The following SIPA1L2 variants were observed in gnomAD, a reference collection of about 807,000 sequenced individuals.
SIPA1L2 encodes signal induced proliferation associated 1 like 2.
A neutral mutation model predicts 163.9 loss-of-function variants in SIPA1L2; 56 were observed. The ratio of observed to expected loss-of-function variants is 0.34; its 90% CI spans 0.28 to 0.43. The LOEUF (loss-of-function observed/expected upper bound fraction) is 0.43. Among genes scored for constraint, SIPA1L2 ranks in the 20% least tolerant of loss-of-function variants. SIPA1L2 has a pLI of 1.00. For synonymous variants in SIPA1L2, 877 were observed against 865.7 expected, an observed-to-expected ratio of 1.01 and a Z score of -0.23; for missense variants, 1,974 against 2,193.5, an observed-to-expected ratio of 0.90 and a Z score of 2.00.
chr1:232,599,739 GCTTCT>G (rs1661495982), intron 1 of SIPA1L2, among the ~76,000 whole-genome samples: 1 of 152,238 alleles, frequency 6.6e-6, no homozygotes, highest in African/African-American at 2.4e-5. Flanking sequence ...TATGCCCACA[GCTTCT>G]TAGCAAGACC....
intron 1 of SIPA1L2, among the ~76,000 whole-genome samples, chr1:232,588,537 G>A (rs1447029882): frequency 6.6e-6 from 1 of 152,148 alleles, no homozygotes; most frequent in Non-Finnish European, 1.5e-5. Context: ...CTAAAACAGA[G>A]TTTTTAAAGT....
intron 1 of SIPA1L2, among the ~76,000 whole-genome samples, chr1:232,629,410 G>A (rs1663249627): frequency 6.6e-6 from 1 of 152,226 alleles, no homozygotes; most frequent in Non-Finnish European, 1.5e-5. Context: ...TCCCGGTGAG[G>A]GCGCGCGCTC....
rs1244652481 is a variant in SIPA1L2 at position 232,629,899 on chromosome 1, C to G, written c.-349G>C. Among the ~76,000 whole-genome samples, 2 of 151,662 alleles carry G rather than the reference C, an allele frequency of 1.3e-5. No homozygotes were observed. The highest frequency in any genetic ancestry group is 2.9e-5 in the Non-Finnish European group (2 of 67,798). On this transcript the variant is annotated 5_prime_UTR_variant, in exon 1 of 23. Coordinates refer to ENST00000674635, the MANE Select transcript of SIPA1L2 (RefSeq NM_020808.5). Reference sequence around the variant, plus strand: ...CAACGCCGTCCGCCGGAACCTGCTACAGCCTGTGCGCGCCGGGCGGCGCGT... The same window carrying G: ...CAACGCCGTCCGCCGGAACCTGCTAGAGCCTGTGCGCGCCGGGCGGCGCGT...
chr1:232,502,780 A>G (rs1271134088), intron 3 of SIPA1L2, among the ~76,000 whole-genome samples: 1 of 152,240 alleles, frequency 6.6e-6, no homozygotes, highest in Non-Finnish European at 1.5e-5. Flanking sequence ...CAAAGAATAC[A>G]GTAGGTTACC....
At chr1:232,481,054 A>G (rs1052950850) in intron 6 of SIPA1L2, among the ~76,000 whole-genome samples, 1 of 152,230 alleles carries the variant, frequency 6.6e-6, no homozygotes, top group Non-Finnish European at 1.5e-5. Flanking sequence ...TATAGTTACC[A>G]ATAAATTAAT....
At chr1:232,407,628 C>T (rs1219880746) in intron 19 of SIPA1L2, among the ~76,000 whole-genome samples, 2 of 152,154 alleles carry the variant, frequency 1.3e-5, no homozygotes, top group East Asian at 3.9e-4. Context: ...CACAGGAGCA[C>T]ACACACGTCC....
chr1:232,593,033 C>T (rs555774996), intron 1 of SIPA1L2, among the ~76,000 whole-genome samples: 1 of 152,278 alleles, frequency 6.6e-6, no homozygotes, highest in South Asian at 2.1e-4. Context: ...GGGCTGAACA[C>T]ACCCAAGTAA....
Position 232,465,557 on chromosome 1 carries a change from C to T in SIPA1L2, c.2244-141G>A, listed in dbSNP as rs1664470547. 2.7e-6 allele frequency: 2 copies of T among 731,242 alleles called. No homozygotes were observed. Among genetic ancestry groups the T allele is most frequent in the Non-Finnish European group, 4.4e-6 (2 of 453,878 alleles). 45.3% of individuals were successfully genotyped at this position (731,242 alleles called of 1,614,324 possible). On this transcript the variant is annotated intron_variant, in intron 8 of 22. Transcript: ENST00000674635. This position sits in a 1 kb window ranked among gnomAD's most constrained non-coding sequence, Gnocchi z 4.1. ...ACATATACATACACACATACACACA[C>T]ACTTTCAACTTAACTGGTTTATTCT...
At position 232,586,387 on chromosome 1, in the gene SIPA1L2, G is replaced by A. The variant is rs1369629946; in HGVS notation, c.-318-12165C>T. Among the ~76,000 whole-genome samples the A allele has an allele frequency of 2.6e-5, 4 of 152,066 alleles. No homozygotes were observed. The East Asian group carries it at 7.7e-4, about 29-fold the overall frequency. On this transcript the variant is annotated intron_variant, in intron 1 of 22. Transcript: ENST00000674635. ...ATTTTATCTAGACAAGTTCATCATC[G>A]CCACAGTTATTACCAGGGAGTCCTA...
rs71727045 is a variant in SIPA1L2 at position 232,458,164 on chromosome 1, G to GA, written c.3095+2722dup. ...AAGACAGTTATTACAGATTAATTGG[G>GA]AAAAAAAACCCTGTATGTTTAGGGA... is the stretch of plus-strand genomic sequence containing the variant. On this transcript the variant is annotated intron_variant, in intron 10 of 22. Transcript: ENST00000674635. Among the ~76,000 whole-genome samples the GA allele has an allele frequency of 6.7e-3, 1,010 of 151,784 alleles. 11 individuals are homozygous for GA. The highest frequency in any genetic ancestry group is 0.021 in the African/African-American group (851 of 41,378).
intron 1 of SIPA1L2, among the ~76,000 whole-genome samples, chr1:232,587,809 T>C (rs1053990470): frequency 3.3e-5 from 5 of 152,148 alleles, no homozygotes; most frequent in African/African-American, 1.2e-4. Context: ...TGGTGGCGGT[T>C]TCCCCCATAC....
intron 3 of SIPA1L2, among the ~76,000 whole-genome samples, chr1:232,494,999 A>T (rs990230370): frequency 3.9e-5 from 6 of 152,210 alleles, no homozygotes; most frequent in African/African-American, 1.4e-4. Context: ...GGTATTCCAA[A>T]GGCTTTTGGT....
At chr1:232,619,997 G>A (rs1294578537) in intron 1 of SIPA1L2, among the ~76,000 whole-genome samples, 3 of 152,082 alleles carry the variant, frequency 2.0e-5, no homozygotes, top group South Asian at 2.1e-4. Context: ...CGTTTCTCCC[G>A]CCTCAGCCTC....
At chr1:232,452,496 C>G (rs543977380) in intron 10 of SIPA1L2, among the ~76,000 whole-genome samples, 2 of 152,258 alleles carry the variant, frequency 1.3e-5, no homozygotes, top group South Asian at 4.1e-4. Context: ...GGAAGGCCCC[C>G]AAGATGGCAT....
chr1:232,409,642 T>G (rs1360423719), intron 19 of SIPA1L2, among the ~76,000 whole-genome samples: 1 of 152,184 alleles, frequency 6.6e-6, no homozygotes. Context: ...TGAATAAATA[T>G]AACTACTCTA....
chr1:232,456,627 G>A (rs886554434), intron 10 of SIPA1L2, among the ~76,000 whole-genome samples: 3 of 152,150 alleles, frequency 2.0e-5, no homozygotes, highest in Middle Eastern at 3.4e-3. Context: ...CTTTATATCC[G>A]CCTTTTAGGT....
At chr1:232,578,212 T>A (rs1479447033) in intron 1 of SIPA1L2, among the ~76,000 whole-genome samples, 1 of 152,008 alleles carries the variant, frequency 6.6e-6, no homozygotes, top group African/African-American at 2.4e-5. Context: ...TGCTACTGCA[T>A]ACCTAATAAA....
chr1:232,460,113 C>CA (rs1228693881), intron 10 of SIPA1L2, among the ~76,000 whole-genome samples: 32 of 152,182 alleles, frequency 2.1e-4, no homozygotes, highest in African/African-American at 5.8e-4. Flanking sequence ...ATACTACCAC[C>CA]AGTCATGCAT....
In SIPA1L2 at chr1:232,514,548, C is replaced by G. The variant is rs1162823188; in HGVS notation, c.792G>C (p.Val264=). ...CTCTCCCCATCAGGAGGGCACTGTC[C>G]ACATAATCTAATCCTGAGATGCGGA... ...EFVRISGLDY[V]DSALLMGRDR... The change falls in exon 3 of 23, where the codon GTG becomes GTC. Residue 264 remains valine, a synonymous_variant. Transcript: ENST00000674635. 6.2e-7 allele frequency: 1 copy of G among 1,614,140 alleles called. No individual in the cohort carries two copies. Among genetic ancestry groups the G allele is most frequent in the Non-Finnish European group, 8.5e-7 (1 of 1,180,030 alleles).
Sources: gnomAD v4.1 joint callset for allele counts (sites outside exome capture counted in the v4.1 genomes callset) on GRCh38, gnomAD v4.1.1 for gene constraint, Gnocchi (gnomAD v3.1) non-coding constraint, MANE v1.5 for transcripts, NCBI Gene and HGNC (gene_info 2026-07-23, HGNC 2026-07-21) for gene names.